Variants in NR5A2 observed in about 807,000 individuals in gnomAD.
NR5A2 encodes nuclear receptor subfamily 5 group A member 2, also known as CYP7A promoter-binding factor.
A neutral mutation model predicts 62.7 loss-of-function variants in NR5A2; 26 were observed. The ratio of observed to expected loss-of-function variants is 0.41; its 90% CI spans 0.30 to 0.58. The LOEUF is 0.58. Ranked by LOEUF, NR5A2 falls within the 20% of genes least tolerant of loss-of-function variation. The pLI is 0.22. For synonymous variants in NR5A2, 246 were observed against 241.7 expected (o/e 1.02, Z -0.16); for missense variants, 541 against 669.1 (o/e 0.81, Z 2.11).
chr1:200,165,334 AC>A (rs1389500247), intron 7 of NR5A2, among the ~76,000 whole-genome samples: 31 of 152,274 alleles, frequency 2.0e-4, no homozygotes, highest in African/African-American at 7.5e-4. Flanking sequence ...GAATGCCGCT[AC>A]ATTGACACAT....
At position 200,087,241 on chromosome 1, in the gene NR5A2, A is replaced by AACACACACAC. The variant is rs34917175; in HGVS notation, c.1111-23944_1111-23935dup. The stretch of plus-strand genomic sequence containing the variant: ...TTCAACACATACACCCTTCTTCACC[A>AACACACACAC]ACACACACACACACACACACACACA... On this transcript the variant is annotated intron_variant, in intron 5 of 7. Transcript: ENST00000367362. 8.5e-3 allele frequency among the ~76,000 whole-genome samples: 1,268 copies of AACACACACAC among 148,594 alleles called. 15 individuals carry two copies. The highest frequency in any genetic ancestry group is 0.046 in the East Asian group (228 of 4,988).
At chr1:200,080,122 G>T (rs1316184426) in intron 5 of NR5A2, among the ~76,000 whole-genome samples, 2 of 152,104 alleles carry the variant, frequency 1.3e-5, no homozygotes, top group African/African-American at 4.8e-5. Context: ...CAGACAGTTG[G>T]AAAAAGGTGC....
chr1:200,052,607 C>T (rs1028051283), intron 5 of NR5A2, among the ~76,000 whole-genome samples: 1 of 152,054 alleles, frequency 6.6e-6, no homozygotes, highest in Non-Finnish European at 1.5e-5. Flanking sequence ...CACATATTTG[C>T]TCCTAATTAG....
intron 7 of NR5A2, among the ~76,000 whole-genome samples, chr1:200,123,968 A>T (rs916344903): frequency 2.0e-5 from 3 of 151,412 alleles, no homozygotes; most frequent in African/African-American, 7.3e-5. Context: ...CACCTGGCTA[A>T]TTTTTTTGTA....
At chr1:200,051,487 G>A (rs375978294) in intron 5 of NR5A2, among the ~76,000 whole-genome samples, 4 of 152,028 alleles carry the variant, frequency 2.6e-5, no homozygotes, top group African/African-American at 4.8e-5. Flanking sequence ...AATCAATTAC[G>A]GTGTTGTTTA....
chr1:200,081,999 G>T (rs545195725), intron 5 of NR5A2, among the ~76,000 whole-genome samples: 1 of 152,036 alleles, frequency 6.6e-6, no homozygotes. Context: ...AGTGGGATTT[G>T]TCACTGTTTG....
chr1:200,104,493 C>T (rs545964824), intron 5 of NR5A2, among the ~76,000 whole-genome samples: 1 of 152,086 alleles, frequency 6.6e-6, no homozygotes, highest in Non-Finnish European at 1.5e-5. Flanking sequence ...TAATTTTTCT[C>T]TCCCCTCTTC....
At chr1:200,071,094 C>A (rs934689327) in intron 5 of NR5A2, among the ~76,000 whole-genome samples, 3 of 152,186 alleles carry the variant, frequency 2.0e-5, no homozygotes, top group African/African-American at 7.2e-5. Context: ...ATTATTTACC[C>A]AGATGGCTGC....
At position 200,048,753 on chromosome 1, in the gene NR5A2, G is replaced by A; in HGVS notation, c.1045G>A (p.Ala349Thr). 6.2e-7 allele frequency: 1 copy of A among 1,614,186 alleles called. No homozygotes were observed. The highest frequency in any genetic ancestry group is 1.6e-4 in the Middle Eastern group (1 of 6,062). Residue 349 changes from alanine to threonine, a missense_variant, in exon 5 of 8, where the codon GCA (alanine) becomes ACA (threonine). Physicochemically the swap from Ala to Thr is moderately conservative, Grantham distance 58. Around this residue, in one of 3 missense-constraint regions of NR5A2, gnomAD observed 379 missense variants for 442.0 expected, o/e 0.86. Coordinates refer to ENST00000367362, the MANE Select transcript of NR5A2 (RefSeq NM_205860.3). This position sits in a 1 kb window ranked among gnomAD's most constrained non-coding sequence, Gnocchi z 4.8. ...CACCTTTGGGCTTATGTGCAAAATGGCAGATCAAACTCTCTTCTCCATTGT... is the reference window on the plus strand; with the variant it reads ...CACCTTTGGGCTTATGTGCAAAATGACAGATCAAACTCTCTTCTCCATTGT... Reference protein sequence around the residue: ...LSTFGLMCKMADQTLFSIVEW... With the variant: ...LSTFGLMCKMTDQTLFSIVEW...
chr1:200,051,829 A>G (rs932596672), intron 5 of NR5A2, among the ~76,000 whole-genome samples: 1 of 152,180 alleles, frequency 6.6e-6, no homozygotes, highest in Admixed American at 6.5e-5. Context: ...AGACATCTCT[A>G]GGGCTGTGGC....
At position 200,059,479 on chromosome 1, in the gene NR5A2, C is replaced by T. The variant is rs1330940494; in HGVS notation, c.1110+10661C>T. On this transcript the variant is annotated intron_variant, in intron 5 of 7. Coordinates refer to ENST00000367362, the MANE Select transcript of NR5A2 (RefSeq NM_205860.3). ...GTCCCTGCTTATTCCAGTACTTATG[C>T]TTTTCCAGCAGGCACACAGATTGCT... Among the ~76,000 whole-genome samples the T allele has an allele frequency of 4.6e-5, 7 of 152,178 alleles. No individual in the cohort carries two copies. The East Asian group carries it at 9.6e-4, about 21-fold the overall frequency.
At position 200,039,967 on chromosome 1, in the gene NR5A2, TGAACAATGCGGGGCAGA is replaced by T. The variant is rs1056680334; in HGVS notation, c.202+174_202+190del. ...TGCAGGCATAAAAGTTTATGGCTCT[TGAACAATGCGGGGCAGA>T]GGTTTTTCCAAGCAACGTCTAATTG... On this transcript the variant is annotated intron_variant, in intron 2 of 7. Transcript: ENST00000367362. This position sits in a 1 kb window ranked among gnomAD's most constrained non-coding sequence, Gnocchi z 5.1. Among the ~76,000 whole-genome samples the T allele has an allele frequency of 6.6e-6, 1 of 152,092 alleles. No homozygotes were observed. Among genetic ancestry groups the T allele is most frequent in the Admixed American group, 6.5e-5 (1 of 15,274 alleles).
At chr1:200,073,393 G>A (rs1463692568) in intron 5 of NR5A2, among the ~76,000 whole-genome samples, 1 of 148,796 alleles carries the variant, frequency 6.7e-6, no homozygotes, top group East Asian at 2.0e-4. Flanking sequence ...TATCTGTGGG[G>A]GATTGGTTTC....
intron 5 of NR5A2, among the ~76,000 whole-genome samples, chr1:200,102,090 C>A (rs1360226569): frequency 1.3e-5 from 2 of 152,154 alleles, no homozygotes; most frequent in African/African-American, 4.8e-5. Context: ...GTGACACTAG[C>A]ATATCTTTAT....
chr1:200,028,917 A>G, intron 1 of NR5A2: 1 of 268,934 alleles, frequency 3.7e-6, no homozygotes, highest in Non-Finnish European at 7.6e-6. Context: ...TTATGGGCCA[A>G]CTACACCCTA....
intron 4 of NR5A2, 47 bp downstream of exon 4, chr1:200,045,631 A>T (rs2102159018): frequency 6.6e-7 from 1 of 1,523,108 alleles, no homozygotes; most frequent in East Asian, 2.3e-5. Context: ...CTCCAAGGAC[A>T]TGAACTGTAA....
At chr1:200,103,250 A>G (rs1206376449) in intron 5 of NR5A2, among the ~76,000 whole-genome samples, 1 of 149,878 alleles carries the variant, frequency 6.7e-6, no homozygotes, top group Non-Finnish European at 1.5e-5. Flanking sequence ...CAGCCTCCCA[A>G]GTAGCTGGGA....
chr1:200,040,947 T>A (rs1662040859), intron 2 of NR5A2, among the ~76,000 whole-genome samples: 1 of 152,226 alleles, frequency 6.6e-6, no homozygotes, highest in African/African-American at 2.4e-5. Context: ...GGTAGGGCTG[T>A]GAGAGTCCCC....
At chr1:200,058,681 G>A (rs559243156) in intron 5 of NR5A2, among the ~76,000 whole-genome samples, 185 of 141,242 alleles carry the variant, frequency 1.3e-3, no homozygotes, top group Non-Finnish European at 2.0e-3. Context: ...GTTTCACCAC[G>A]TTGGCCAGGC....
Sources: gnomAD v4.1 joint callset for allele counts (sites outside exome capture counted in the v4.1 genomes callset) on GRCh38, gnomAD v4.1.1 for gene constraint, gnomAD v4.1.1 regional missense constraint, Gnocchi (gnomAD v3.1) non-coding constraint, MANE v1.5 for transcripts, NCBI Gene and HGNC (gene_info 2026-07-23, HGNC 2026-07-21) for gene names.